Variants in SRBD1 observed in about 807,000 individuals in gnomAD.
SRBD1 encodes S1 RNA-binding domain-containing protein 1.
In SRBD1, 88 loss-of-function variants were observed where a neutral mutation model predicts 115.3. The observed-to-expected ratio is 0.76, with a 90% CI of 0.64 to 0.91. The LOEUF (loss-of-function observed/expected upper bound fraction) is 0.91, where lower values mean the gene tolerates loss of function less well. Among genes scored for constraint, SRBD1 ranks in the 40% least tolerant of loss-of-function variants. SRBD1 has a pLI of 0.00. For synonymous variants in SRBD1, 509 were observed against 407.7 expected, an observed-to-expected ratio of 1.25 and a Z score of -2.99; for missense variants, 1,385 against 1,177.4, an observed-to-expected ratio of 1.18 and a Z score of -2.58.
intron 9 of SRBD1, among the ~76,000 whole-genome samples, chr2:45,566,706 T>A (rs963932525): frequency 6.6e-6 from 1 of 152,196 alleles, no homozygotes; most frequent in African/African-American, 2.4e-5. Flanking sequence ...ATTAAAACAC[T>A]CTTTTCTTAA....
chr2:45,455,666 T>A (rs2103756660), intron 16 of SRBD1, among the ~76,000 whole-genome samples: 1 of 151,898 alleles, frequency 6.6e-6, no homozygotes, highest in African/African-American at 2.4e-5. Context: ...AAACATTTTC[T>A]CCCTGACACA....
intron 4 of SRBD1, among the ~76,000 whole-genome samples, chr2:45,595,416 C>T (rs768249224): frequency 2.6e-5 from 4 of 152,202 alleles, no homozygotes; most frequent in Non-Finnish European, 5.9e-5. Context: ...CCATTCCTTG[C>T]TAACTAGATA....
Position 45,585,590 on chromosome 2 carries a change from C to G in SRBD1, c.815+18G>C. The G allele has an allele frequency of 6.2e-7, 1 of 1,601,292 alleles. No individual in the cohort carries two copies. Among genetic ancestry groups the G allele is most frequent in the Non-Finnish European group, 8.5e-7 (1 of 1,176,710 alleles). On this transcript the variant is annotated intron_variant, in intron 5 of 20. Coordinates refer to ENST00000263736, the MANE Select transcript of SRBD1 (RefSeq NM_018079.5). Reference sequence around the variant, plus strand: ...CTTTTCCCCTTACACTAGGCTTATTCTTTTTTAGGTTTCTTACCGTAGCTC... The same window carrying G: ...CTTTTCCCCTTACACTAGGCTTATTGTTTTTTAGGTTTCTTACCGTAGCTC...
chr2:45,609,182 G>C (rs746142301), intron 1 of SRBD1, among the ~76,000 whole-genome samples: 12 of 152,124 alleles, frequency 7.9e-5, no homozygotes, highest in Middle Eastern at 3.2e-3. Context: ...GTGCAAATTT[G>C]ATGTTTTGAC....
rs1558505049 is a variant in SRBD1 at position 45,599,540 on chromosome 2, G to GTCTTGAT, written c.550_556dup (p.Thr186AsnfsTer4). ...AGGCTGCCCCTGAGGATATGTCTCA[G>GTCTTGAT]TCTTGATTTTCTTTAAAGCGGACTG... On this transcript the variant is annotated frameshift_variant, in exon 4 of 21. Coordinates refer to ENST00000263736, the MANE Select transcript of SRBD1 (RefSeq NM_018079.5). LOFTEE classifies it high-confidence loss of function. The GTCTTGAT allele has an allele frequency of 6.2e-7, 1 of 1,614,202 alleles. No homozygotes were observed. The highest frequency in any genetic ancestry group is 1.7e-5 in the Admixed American group (1 of 60,026).
At chr2:45,539,610 C>T (rs1671870659) in intron 14 of SRBD1, among the ~76,000 whole-genome samples, 3 of 152,168 alleles carry the variant, frequency 2.0e-5, no homozygotes, top group Non-Finnish European at 2.9e-5. Context: ...GAACTATAAG[C>T]CATCTGTCTG....
At chr2:45,492,829 C>A (rs1452746465) in intron 14 of SRBD1, among the ~76,000 whole-genome samples, 1 of 152,152 alleles carries the variant, frequency 6.6e-6, no homozygotes, top group African/African-American at 2.4e-5. Context: ...CTCTTTTCTT[C>A]CCATTTCCCA....
At chr2:45,605,498 G>T in intron 1 of SRBD1, 57 bp from the exon 2 acceptor site, 2 of 1,496,242 alleles carry the variant, frequency 1.3e-6, no homozygotes, top group Non-Finnish European at 1.8e-6. Flanking sequence ...CACTTTATTT[G>T]GCTACAAGTA....
At chr2:45,492,437 CTGT>C (rs899607278) in intron 14 of SRBD1, among the ~76,000 whole-genome samples, 13 of 152,012 alleles carry the variant, frequency 8.6e-5, no homozygotes, top group African/African-American at 9.6e-5. Flanking sequence ...TAGGTTTTTT[CTGT>C]TGTTGTTGTT....
chr2:45,581,780 G>T lies in SRBD1; in HGVS notation c.846C>A (p.Ile282=). 6.2e-7 allele frequency: 1 copy of T among 1,613,382 alleles called. No homozygotes were observed. Among genetic ancestry groups the T allele is most frequent in the African/African-American group, 1.3e-5 (1 of 74,980 alleles). Residue 282 remains isoleucine, a synonymous_variant, in exon 6 of 21, where the codon ATC becomes ATA. Coordinates refer to ENST00000263736, the MANE Select transcript of SRBD1 (RefSeq NM_018079.5). Reference sequence around the variant, plus strand: ...TCTTCCCTTCCTTCTTAATTTTCTGGATTGTACTATGAACTTTCTTTGCAA... The same window carrying T: ...TCTTCCCTTCCTTCTTAATTTTCTGTATTGTACTATGAACTTTCTTTGCAA... ...RAVAKKVHST[I]QKIKKEGKMS...
intron 16 of SRBD1, among the ~76,000 whole-genome samples, chr2:45,434,927 C>A (rs1035661486): frequency 3.9e-5 from 6 of 152,046 alleles, no homozygotes; most frequent in Admixed American, 1.3e-4. Flanking sequence ...CCGCTCCCCC[C>A]ACCCCACGAC....
At chr2:45,389,685 T>G in intron 20 of SRBD1, 86 bp from the exon 21 acceptor site, 1 of 1,302,544 alleles carries the variant, frequency 7.7e-7, no homozygotes, top group South Asian at 1.5e-5. Context: ...TACTACATAC[T>G]ATGTGCCCAG....
intron 16 of SRBD1, among the ~76,000 whole-genome samples, chr2:45,421,371 G>T (rs374030377): frequency 2.6e-5 from 4 of 151,622 alleles, no homozygotes; most frequent in African/African-American, 9.7e-5. Flanking sequence ...GCCGTGCGCC[G>T]TGGCGGACAC....
chr2:45,477,200 A>G (rs1669830130), intron 15 of SRBD1, 125 bp from the exon 16 acceptor site: 1 of 687,334 alleles, frequency 1.5e-6, no homozygotes, highest in Non-Finnish European at 2.4e-6. Flanking sequence ...CCTCTAAAAA[A>G]GGCCAACAAT....
At chr2:45,465,850 TA>T (rs1177182666) in intron 16 of SRBD1, among the ~76,000 whole-genome samples, 7 of 152,202 alleles carry the variant, frequency 4.6e-5, no homozygotes, top group Non-Finnish European at 8.8e-5. Flanking sequence ...AGAATTGTTT[TA>T]AAATTAAACA....
intron 15 of SRBD1, among the ~76,000 whole-genome samples, chr2:45,487,812 C>T (rs1223071392): frequency 6.6e-6 from 1 of 152,046 alleles, no homozygotes; most frequent in African/African-American, 2.4e-5. Flanking sequence ...TGCCACCATG[C>T]CCAACTAATT....
At chr2:45,414,823 GTA>G in intron 18 of SRBD1, among the ~76,000 whole-genome samples, 1 of 146,082 alleles carries the variant, frequency 6.8e-6, no homozygotes, top group African/African-American at 2.6e-5. Context: ...CATATAGTGT[GTA>G]TATAGTATGT....
In SRBD1 at chr2:45,553,063, G is replaced by A. The variant is rs547077993; in HGVS notation, c.1517+560C>T. On this transcript the variant is annotated intron_variant, in intron 11 of 20. Coordinates refer to ENST00000263736, the MANE Select transcript of SRBD1 (RefSeq NM_018079.5). The stretch of plus-strand genomic sequence containing the variant: ...ATTGGGTGCAAAAACAAGGGTTACA[G>A]AGAAGCAAGAGAGAGGAGTTTTGCC... 3.1e-4 allele frequency among the ~76,000 whole-genome samples: 47 copies of A among 152,314 alleles called. 1 individual carries two copies. The South Asian group carries it at 9.5e-3, about 31-fold the overall frequency.
chr2:45,556,447 A>ATT lies in SRBD1; in HGVS notation c.1410-2718_1410-2717insAA, dbSNP rs1491091849. Among the ~76,000 whole-genome samples the ATT allele has an allele frequency of 7.8e-4, 56 of 72,128 alleles. 2 individuals carry two copies. Among genetic ancestry groups the ATT allele is most frequent in the Non-Finnish European group, 1.3e-3 (46 of 34,990 alleles). The allele number at this position is 72,128 out of a possible 152,430, so 47.3% of individuals were successfully genotyped here. On this transcript the variant is annotated intron_variant, in intron 10 of 20. Coordinates refer to ENST00000263736, the MANE Select transcript of SRBD1 (RefSeq NM_018079.5). ...GATCTGTTCTGCTCTATGCTCTATT[A>ATT]CTTTTTTTTTTTTTTTTTTTTTTTT... is the stretch of plus-strand genomic sequence containing the variant.
Sources: gnomAD v4.1 joint callset for allele counts (sites outside exome capture counted in the v4.1 genomes callset) on GRCh38, gnomAD v4.1.1 for gene constraint, MANE v1.5 for transcripts, NCBI Gene and HGNC (gene_info 2026-07-23, HGNC 2026-07-21) for gene names.